Variants in PRELID2 observed in about 807,000 individuals in gnomAD.
The protein encoded by PRELID2 is PRELI domain containing 2, also known as PRELI domain-containing protein 2.
PRELID2 carries 25 observed loss-of-function variants against 28.4 expected under a neutral mutation model. That is an observed-to-expected ratio of 0.88 (90% CI 0.64 to 1.23). The LOEUF (loss-of-function observed/expected upper bound fraction) is 1.23, where lower values mean the gene tolerates loss of function less well. Among genes scored for constraint, PRELID2 ranks in the 50% most tolerant of loss-of-function variants. The pLI, the probability that PRELID2 is intolerant of heterozygous loss-of-function variation, is 0.00. For missense variants in PRELID2, 201 were observed against 214.4 expected, an observed-to-expected ratio of 0.94 and a Z score of 0.39; for synonymous variants, 76 against 71.6, an observed-to-expected ratio of 1.06 and a Z score of -0.31.
the PRELID2 span, among the ~76,000 whole-genome samples, chr5:145,380,220 T>C: frequency 6.6e-6 from 1 of 152,276 alleles, no homozygotes; most frequent in Admixed American, 6.5e-5. Flanking sequence ...TCCTTGCCAG[T>C]TTAACTCAAT....
intron 1 of PRELID2, among the ~76,000 whole-genome samples, chr5:145,696,546 C>G (rs1432044574): frequency 1.3e-5 from 2 of 152,108 alleles, no homozygotes; most frequent in Admixed American, 1.3e-4. Flanking sequence ...ACTGAACCCT[C>G]GATCTCCCAG....
At chr5:145,265,142 G>A in the PRELID2 span, among the ~76,000 whole-genome samples, 2 of 151,932 alleles carry the variant, frequency 1.3e-5, no homozygotes, top group African/African-American at 4.8e-5. Context: ...AAAGTCAGTA[G>A]CTCTGCTATA....
chr5:145,593,681 C>T (rs2149632784), intron 1 of PRELID2, among the ~76,000 whole-genome samples: 1 of 152,236 alleles, frequency 6.6e-6, no homozygotes, highest in South Asian at 2.1e-4. Context: ...ACTGCAGAGT[C>T]ATCAAACAGT....
chr5:145,749,500 T>A (rs889109793), intron 1 of PRELID2, among the ~76,000 whole-genome samples: 4 of 152,192 alleles, frequency 2.6e-5, no homozygotes, highest in African/African-American at 9.7e-5. Context: ...ATAGGAACAC[T>A]TTTACAGTGT....
the PRELID2 span, among the ~76,000 whole-genome samples, chr5:145,306,352 A>G: frequency 6.6e-6 from 1 of 152,288 alleles, no homozygotes; most frequent in South Asian, 2.1e-4. Context: ...AACAATGTTT[A>G]ATGAGTTAAT....
At chr5:145,829,029 G>A (rs1453472614) in intron 1 of PRELID2, among the ~76,000 whole-genome samples, 2 of 151,318 alleles carry the variant, frequency 1.3e-5, no homozygotes, top group East Asian at 3.9e-4. Flanking sequence ...TTGTTTTTGT[G>A]TCTGTGTGGT....
At chr5:145,446,624 G>A in the PRELID2 span, among the ~76,000 whole-genome samples, 29 of 152,112 alleles carry the variant, frequency 1.9e-4, no homozygotes, top group African/African-American at 5.6e-4. Flanking sequence ...CCAATCGATC[G>A]GACATAGACC....
chr5:145,702,393 T>C (rs1755430480), intron 1 of PRELID2, among the ~76,000 whole-genome samples: 1 of 152,162 alleles, frequency 6.6e-6, no homozygotes, highest in Non-Finnish European at 1.5e-5. Flanking sequence ...CTATAGTAGA[T>C]GGGTTAAATG....
the PRELID2 span, among the ~76,000 whole-genome samples, chr5:145,300,748 A>G: frequency 9.7e-4 from 141 of 145,152 alleles, 1 homozygote; most frequent in East Asian, 0.023. Flanking sequence ...GGTATATCCC[A>G]CTAAGAATAT....
At chr5:145,438,871 T>C in the PRELID2 span, among the ~76,000 whole-genome samples, 3 of 152,162 alleles carry the variant, frequency 2.0e-5, no homozygotes, top group African/African-American at 7.2e-5. Context: ...AGAGCTTTTA[T>C]ATTGCCTCTC....
chr5:145,794,108 A>G (rs1023305716), intron 5 of PRELID2, among the ~76,000 whole-genome samples: 5 of 152,202 alleles, frequency 3.3e-5, no homozygotes, highest in African/African-American at 1.2e-4. Context: ...TATAATATGT[A>G]TGCTTGACAA....
chr5:145,612,953 C>A (rs1753639688), intron 1 of PRELID2, among the ~76,000 whole-genome samples: 1 of 152,150 alleles, frequency 6.6e-6, no homozygotes, highest in South Asian at 2.1e-4. Context: ...CTTATTTTCC[C>A]CTGGGCAGAT....
chr5:145,537,039 A>C (rs1160556589), intron 1 of PRELID2, among the ~76,000 whole-genome samples: 1 of 151,976 alleles, frequency 6.6e-6, no homozygotes, highest in Non-Finnish European at 1.5e-5. Context: ...TAAAACAAAG[A>C]GAAGTTTAAA....
At chr5:145,331,790 G>A in the PRELID2 span, among the ~76,000 whole-genome samples, 1 of 152,118 alleles carries the variant, frequency 6.6e-6, no homozygotes. Flanking sequence ...ATATTGTTAT[G>A]TGTAAATTTG....
At chr5:145,252,509 A>G in the PRELID2 span, among the ~76,000 whole-genome samples, 2 of 152,134 alleles carry the variant, frequency 1.3e-5, no homozygotes, top group Non-Finnish European at 2.9e-5. Flanking sequence ...AAATTAGATA[A>G]TGCCTTTGAA....
the PRELID2 span, among the ~76,000 whole-genome samples, chr5:145,415,485 G>A: frequency 2.3e-5 from 3 of 132,926 alleles, no homozygotes; most frequent in African/African-American, 8.7e-5. Flanking sequence ...CTGTGTCCAT[G>A]TGATCTCATT....
the PRELID2 span, among the ~76,000 whole-genome samples, chr5:145,269,572 A>T: frequency 2.3e-3 from 355 of 152,004 alleles, 1 homozygote; most frequent in African/African-American, 8.4e-3. Flanking sequence ...TGTGCCCTTG[A>T]GGTGGGCAAA....
chr5:145,495,937 A>C (rs1180581338), intron 1 of PRELID2, among the ~76,000 whole-genome samples: 1 of 152,188 alleles, frequency 6.6e-6, no homozygotes, highest in Non-Finnish European at 1.5e-5. Flanking sequence ...GAGTCACCGG[A>C]GAATGAGTCA....
intron 1 of PRELID2, among the ~76,000 whole-genome samples, chr5:145,721,196 T>G (rs377173098): frequency 2.6e-4 from 39 of 152,218 alleles, no homozygotes; most frequent in African/African-American, 9.1e-4. Context: ...ATATAGCCTC[T>G]GGAAAACTTT....
Sources: gnomAD v4.1 joint callset for allele counts (sites outside exome capture counted in the v4.1 genomes callset) on GRCh38, gnomAD v4.1.1 for gene constraint, MANE v1.5 for transcripts, NCBI Gene and HGNC (gene_info 2026-07-23, HGNC 2026-07-21) for gene names.